Variants in GML observed in about 807,000 individuals in gnomAD.
GML encodes the protein glycosylphosphatidylinositol anchored molecule like, also known as glycosyl-phosphatidylinositol-anchored molecule-like protein.
A neutral mutation model predicts 8.2 loss-of-function variants in GML; 5 were observed. The observed-to-expected ratio is 0.61, with a 90% CI of 0.32 to 1.28. GML has a LOEUF of 1.28. Among genes scored for constraint, GML ranks in the 50% most tolerant of loss-of-function variants. The pLI is 0.06. For synonymous variants in GML, 72 were observed against 69.0 expected (o/e 1.04, Z -0.22); for missense variants, 191 against 198.3 (o/e 0.96, Z 0.22).
At chr8:142,837,016 A>C (rs1279709926) in intron 1 of GML, among the ~76,000 whole-genome samples, 3 of 152,178 alleles carry the variant, frequency 2.0e-5, no homozygotes, top group Non-Finnish European at 4.4e-5. Context: ...GATTTTTAAA[A>C]TTTGCAGTGG....
intron 2 of GML, 42 bp downstream of exon 2, chr8:142,840,552 T>C: frequency 7.0e-7 from 1 of 1,419,456 alleles, no homozygotes; most frequent in Non-Finnish European, 1.0e-6. Flanking sequence ...AGGACGAGAA[T>C]TCACCTGGGG....
chr8:142,838,935 C>T (rs1816383327), intron 1 of GML, among the ~76,000 whole-genome samples: 1 of 152,170 alleles, frequency 6.6e-6, no homozygotes. Flanking sequence ...CCCCAAGATC[C>T]AGCTGGAAAT....
chr8:142,836,936 G>A (rs895641747), intron 1 of GML, among the ~76,000 whole-genome samples: 2 of 152,276 alleles, frequency 1.3e-5, no homozygotes, highest in African/African-American at 4.8e-5. Context: ...TCTTTCGGAG[G>A]AAATAATTGT....
intron 1 of GML, among the ~76,000 whole-genome samples, chr8:142,839,541 C>T (rs533874094): frequency 6.6e-6 from 1 of 152,274 alleles, no homozygotes; most frequent in African/African-American, 2.4e-5. Context: ...GTGGGGCCTT[C>T]GCGTGAGGGG....
rs567614660 is a variant in GML, at chr8:142,846,810, G to A, written c.*120G>A. The A allele has an allele frequency of 2.8e-5, 20 of 712,984 alleles. No individual in the cohort carries two copies. Among genetic ancestry groups the A allele is most frequent in the Admixed American group, 2.0e-4 (7 of 35,122 alleles). 44.2% of individuals were successfully genotyped at this position (712,984 alleles called of 1,614,324 possible). On this transcript the variant is annotated 3_prime_UTR_variant, in exon 4 of 4. Coordinates refer to ENST00000220940, the MANE Select transcript of GML (RefSeq NM_002066.3). ...TGCTCCTCTAGGTGGCCCATTTATG[G>A]TTTGTTGTAAGAGAAAAATTAAAAA...
rs199919156 is a variant in GML, at chr8:142,846,377, T to C, written c.182-18T>C. 39 of 1,533,784 alleles carry C rather than the reference T, an allele frequency of 2.5e-5. No homozygotes were observed. The highest frequency in any genetic ancestry group is 9.6e-5 in the African/African-American group (7 of 72,654). ...AAAATGTGAAATCAATTATTTTCAT[T>C]GCTGCTTCTTTTTTTAGGCATAAAT... On this transcript the variant is annotated intron_variant, in intron 3 of 3. Transcript: ENST00000220940.
Position 142,840,481 on chromosome 8 carries a change from T to G in GML, c.44T>G (p.Val15Gly). 6.2e-7 allele frequency: 1 copy of G among 1,613,162 alleles called. No individual in the cohort carries two copies. Among genetic ancestry groups the G allele is most frequent in the Non-Finnish European group, 8.5e-7 (1 of 1,179,080 alleles). The part of the protein sequence containing the change: ...ALLLAMELPL[V>G]AASATMRAQW... Reference sequence around the variant, plus strand: ...CTCCTAGCCATGGAGCTCCCATTGGTGGCAGCCAGTGCCACCATGCGCGCT... The same window carrying G: ...CTCCTAGCCATGGAGCTCCCATTGGGGGCAGCCAGTGCCACCATGCGCGCT... Residue 15 changes from valine to glycine, a missense_variant, in exon 2 of 4, where the codon GTG becomes GGG. Val to Gly is a moderately radical substitution (Grantham distance 109). Coordinates refer to ENST00000220940, the MANE Select transcript of GML (RefSeq NM_002066.3).
At chr8:142,841,970 CCT>C (rs755065324) in intron 3 of GML, among the ~76,000 whole-genome samples, 3 of 152,150 alleles carry the variant, frequency 2.0e-5, no homozygotes, top group Non-Finnish European at 4.4e-5. Flanking sequence ...AAAATAATCC[CCT>C]GATTACCACC....
At chr8:142,838,025 G>C (rs200087692) in intron 1 of GML, among the ~76,000 whole-genome samples, 4,467 of 126,344 alleles carry the variant, frequency 0.035, 200 homozygotes, top group East Asian at 0.2. Context: ...GGTGCCCAAA[G>C]TGACAAATGT....
chr8:142,839,706 C>A (rs953501421), intron 1 of GML, among the ~76,000 whole-genome samples: 1 of 152,152 alleles, frequency 6.6e-6, no homozygotes, highest in African/African-American at 2.4e-5. Context: ...AGTAAGGGTG[C>A]AGTTGGGTCC....
Position 142,846,631 on chromosome 8 carries a change from G to C in GML, c.418G>C (p.Gly140Arg). Residue 140 changes from glycine to arginine, a missense_variant, in exon 4 of 4, where the codon GGG becomes CGG. Gly to Arg is a moderately radical substitution (Grantham distance 125). Coordinates refer to ENST00000220940, the MANE Select transcript of GML (RefSeq NM_002066.3). ...EELPEGTVRL[G>R]VSKLLLSFAS... ...GCTTCCAGAAGGAACTGTGAGGCTG[G>C]GGGTATCAAAACTGTTGCTGAGTTT... is the stretch of plus-strand genomic sequence containing the variant. 1.9e-6 allele frequency: 3 copies of C among 1,614,028 alleles called. No individual in the cohort carries two copies. The highest frequency in any genetic ancestry group is 1.1e-5 in the South Asian group (1 of 91,072).
chr8:142,841,064 G>A lies in GML; in HGVS notation c.74-54G>A. On this transcript the variant is annotated intron_variant, in intron 2 of 3. Transcript: ENST00000220940. ...AGAAGGGTGGAGTGAGCTGGTAATGGGTGGAAAAGGCGTAGTGGAGCAGAA... is the reference window on the plus strand; with the variant it reads ...AGAAGGGTGGAGTGAGCTGGTAATGAGTGGAAAAGGCGTAGTGGAGCAGAA... 3.5e-6 allele frequency: 3 copies of A among 868,796 alleles called. No individual in the cohort carries two copies. In the South Asian group the frequency reaches 4.0e-5, roughly 11 times the overall value. The allele number at this position is 868,796 out of a possible 1,614,324, so 53.8% of individuals were successfully genotyped here. A position where few individuals can be genotyped will look rare whatever the true frequency, so the allele number is the denominator to read the frequency against.
rs769514354 is a variant in GML, at chr8:142,846,549, A to C, written c.336A>C (p.Ala112=). 6.2e-7 allele frequency: 1 copy of C among 1,614,138 alleles called. No individual in the cohort carries two copies. The highest frequency in any genetic ancestry group is 8.5e-7 in the Non-Finnish European group (1 of 1,179,954). Residue 112 remains alanine, a synonymous_variant, in exon 4 of 4, where the codon GCA becomes GCC. Coordinates refer to ENST00000220940, the MANE Select transcript of GML (RefSeq NM_002066.3). The part of the protein sequence containing the change: ...VCCCNSMVCN[A]GGPTNLERDM... ...GTTGTAATAGCATGGTTTGCAATGC[A>C]GGAGGACCTACTAATCTTGAAAGGG...
At chr8:142,838,230 A>T (rs1816370042) in intron 1 of GML, among the ~76,000 whole-genome samples, 1 of 151,760 alleles carries the variant, frequency 6.6e-6, no homozygotes, top group South Asian at 2.1e-4. Flanking sequence ...AAGTGACCTG[A>T]TTTTTTCCTG....
rs1428528128 is a variant in GML at position 142,845,360 on chromosome 8, T to C, written c.182-1035T>C. ...GTTTCTGATGCTGCATGCTGAGTACTGGCTGTGGGCACTTGGTGACAATCC... is the reference window on the plus strand; with the variant it reads ...GTTTCTGATGCTGCATGCTGAGTACCGGCTGTGGGCACTTGGTGACAATCC... On this transcript the variant is annotated intron_variant, in intron 3 of 3. Transcript: ENST00000220940. Among the ~76,000 whole-genome samples the C allele has an allele frequency of 2.6e-5, 4 of 152,354 alleles. No homozygotes were observed. The East Asian group carries it at 5.8e-4, about 22-fold the overall frequency.
rs1238481857 is a variant in GML, at chr8:142,838,085, T to C, written c.-22-2331T>C. Among the ~76,000 whole-genome samples the C allele has an allele frequency of 1.4e-5, 2 of 144,804 alleles. 1 individual carries two copies. The highest frequency in any genetic ancestry group is 5.2e-5 in the African/African-American group (2 of 38,824). 95.0% of individuals were successfully genotyped at this position (144,804 alleles called of 152,430 possible). ...GGGAAGGGCTCGCCCTCTTCGGAATTTCAGTTTACGTGGGCCTTGGTGCTT... is the reference window on the plus strand; with the variant it reads ...GGGAAGGGCTCGCCCTCTTCGGAATCTCAGTTTACGTGGGCCTTGGTGCTT... On this transcript the variant is annotated intron_variant, in intron 1 of 3. Coordinates refer to ENST00000220940, the MANE Select transcript of GML (RefSeq NM_002066.3).
At chr8:142,835,410 G>A (rs28439554) in intron 1 of GML, among the ~76,000 whole-genome samples, 21,945 of 152,064 alleles carry the variant, frequency 0.14, 3,826 homozygotes, top group African/African-American at 0.42. Context: ...ATTCCCCAAG[G>A]CGCGGGTCTC....
At chr8:142,836,840 G>A (rs941332129) in intron 1 of GML, among the ~76,000 whole-genome samples, 4 of 152,148 alleles carry the variant, frequency 2.6e-5, no homozygotes, top group South Asian at 2.1e-4. Context: ...CATCTTGAGC[G>A]GTGCCCTTCC....
In GML at chr8:142,846,392, TA is replaced by T. The variant is rs778134361; in HGVS notation, c.182-2del. On this transcript the variant is annotated splice_acceptor_variant, in intron 3 of 3. Transcript: ENST00000220940. LOFTEE classifies it high-confidence loss of function. Reference sequence around the variant, plus strand: ...TTATTTTCATTGCTGCTTCTTTTTTTAGGCATAAATTCTCGTGAACTACTTG... The same window carrying T: ...TTATTTTCATTGCTGCTTCTTTTTTTGGCATAAATTCTCGTGAACTACTTG... 5.1e-6 allele frequency: 8 copies of T among 1,569,664 alleles called. No individual in the cohort carries two copies. In the South Asian group the frequency reaches 9.3e-5, roughly 18 times the overall value.
Sources: allele counts gnomAD v4.1 joint callset (sites outside exome capture counted in the v4.1 genomes callset), GRCh38; gene constraint gnomAD v4.1.1; transcripts MANE v1.5; gene names NCBI Gene and HGNC (gene_info 2026-07-23, HGNC 2026-07-21).